The following MECR variants were observed in gnomAD, a reference collection of about 807,000 sequenced individuals.
MECR encodes the protein mitochondrial trans-2-enoyl-CoA reductase.
MECR carries 37 observed loss-of-function variants against 49.1 expected under a neutral mutation model. That is an observed-to-expected ratio of 0.75 (90% confidence interval 0.58 to 0.99). The LOEUF (loss-of-function observed/expected upper bound fraction) is 0.99, where lower values mean the gene tolerates loss of function less well. Ranked by LOEUF, MECR falls within the 50% of genes least tolerant of loss-of-function variation. The pLI is 0.00. For missense variants in MECR, 470 were observed against 479.6 expected (o/e 0.98, Z 0.19); for synonymous variants, 198 against 191.1 (o/e 1.04, Z -0.30).
chr1:29,217,333 C>T (rs1679728980), intron 1 of MECR, among the ~76,000 whole-genome samples: 2 of 151,018 alleles, frequency 1.3e-5, no homozygotes, highest in South Asian at 4.2e-4. Context: ...CCTCAGCCTC[C>T]CAAGTAGCTG....
rs1675447470 is a variant in MECR at position 29,202,045 on chromosome 1, T to G, written c.654A>C (p.Arg218Ser). ...TGTCACTCAGCTTCTGGATATCAGGTCTGGAAACCAAACATAGGTCCCTGG... is the reference window on the plus strand; with the variant it reads ...TGTCACTCAGCTTCTGGATATCAGGGCTGGAAACCAAACATAGGTCCCTGG... ...GLRTINVVRD[R>S]PDIQKLSDRL... The change falls in exon 6 of 10, where the codon AGA (arginine) becomes AGC (serine). Residue 218 changes from arginine (R) to serine (S), a missense_variant and splice_region_variant. Transcript: ENST00000263702. 6.8e-6 allele frequency: 11 copies of G among 1,613,830 alleles called. No homozygotes were observed. The highest frequency in any genetic ancestry group is 8.5e-6 in the Non-Finnish European group (10 of 1,179,856).
intron 5 of MECR, 21 bp from the exon 6 acceptor site, chr1:29,202,066 C>T: frequency 6.2e-7 from 1 of 1,604,032 alleles, no homozygotes; most frequent in Non-Finnish European, 8.5e-7. Context: ...AACATAGGTC[C>T]CTGGTCACAT....
chr1:29,177,287 T>TG, the MECR span, among the ~76,000 whole-genome samples: 2 of 151,600 alleles, frequency 1.3e-5, no homozygotes, highest in Non-Finnish European at 2.9e-5. Context: ...CTTTTTGTTT[T>TG]TTTTTTTTTT....
chr1:29,201,846 G>C lies in MECR; in HGVS notation c.756+97C>G. The C allele has an allele frequency of 3.7e-6, 4 of 1,080,096 alleles. No homozygotes were observed. The allele number at this position is 1,080,096 out of a possible 1,614,324, so 66.9% of individuals were successfully genotyped here. ...GAGGCAAAGGGAGGTTTCCAGAGAG[G>C]AACAATGGGGCCAGTCCCCAGTTTC... On this transcript the variant is annotated intron_variant, in intron 6 of 9. Coordinates refer to ENST00000263702, the MANE Select transcript of MECR (RefSeq NM_016011.5). The surrounding 1 kb of genome is among the most constrained non-coding windows in gnomAD (Gnocchi z 4.3).
chr1:29,221,869 G>A (rs1680861654), intron 1 of MECR, among the ~76,000 whole-genome samples: 1 of 152,148 alleles, frequency 6.6e-6, no homozygotes, highest in Admixed American at 6.5e-5. Context: ...CTCCAAGTAT[G>A]CTTAACATTT....
At chr1:29,206,960 C>T in intron 3 of MECR, 55 bp from the exon 4 acceptor site, 1 of 1,596,152 alleles carries the variant, frequency 6.3e-7, no homozygotes, top group South Asian at 1.1e-5. Flanking sequence ...GCACATTCAA[C>T]CCCAGCTCAC....
chr1:29,213,220 A>T lies in MECR; in HGVS notation c.406+2785T>A, dbSNP rs142544196. Among the ~76,000 whole-genome samples the T allele has an allele frequency of 1.1e-4, 16 of 152,302 alleles. No individual in the cohort carries two copies. The East Asian group carries it at 2.9e-3, about 28-fold the overall frequency. ...GTCTGCTCACCTTGATAGGACCTTC[A>T]CTTAGCACGGGGGCTGGCCCGAAGC... On this transcript the variant is annotated intron_variant, in intron 3 of 9. Transcript: ENST00000263702.
At chr1:29,185,430 T>TA in the MECR span, among the ~76,000 whole-genome samples, 1 of 151,836 alleles carries the variant, frequency 6.6e-6, no homozygotes, top group East Asian at 2.0e-4. Context: ...TGTATATATA[T>TA]TTTAGAGACA....
At chr1:29,223,136 A>G in intron 1 of MECR, 1 of 985,406 alleles carries the variant, frequency 1.0e-6, no homozygotes, top group Non-Finnish European at 1.2e-6. Context: ...TGCTTCCCCC[A>G]TACCGTTCAC....
the MECR span, among the ~76,000 whole-genome samples, chr1:29,186,399 C>T: frequency 6.6e-6 from 1 of 152,142 alleles, no homozygotes; most frequent in Admixed American, 6.5e-5. Flanking sequence ...TGTTGTTTGT[C>T]ATATTTCACA....
At chr1:29,220,513 C>T (rs1680521886) in intron 1 of MECR, among the ~76,000 whole-genome samples, 1 of 152,216 alleles carries the variant, frequency 6.6e-6, no homozygotes, top group Non-Finnish European at 1.5e-5. Flanking sequence ...GAAAATACTC[C>T]TGCAAGATGG....
chr1:29,216,173 G>A (rs1463939990), intron 2 of MECR, 37 bp from the exon 3 acceptor site: 1 of 1,611,306 alleles, frequency 6.2e-7, no homozygotes. Flanking sequence ...AACCAGTGAT[G>A]TTTGGGCAGT....
At chr1:29,203,760 G>T (rs1364489259) in intron 4 of MECR, among the ~76,000 whole-genome samples, 1 of 152,220 alleles carries the variant, frequency 6.6e-6, no homozygotes, top group African/African-American at 2.4e-5. Context: ...ATTGTATATA[G>T]GTCCATTTCT....
At chr1:29,228,880 C>T (rs925021324) in intron 1 of MECR, 2 of 152,148 alleles carry the variant, frequency 1.3e-5, no homozygotes, top group Non-Finnish European at 2.9e-5. Flanking sequence ...TTTAGGAGCA[C>T]CTGTTTTGTG....
chr1:29,192,805 G>T lies in MECR; in HGVS notation c.*1217C>A, dbSNP rs1312885863. On this transcript the variant is annotated 3_prime_UTR_variant, in exon 10 of 10. Transcript: ENST00000263702. ...CAAGGAAGCATACCCCTGTCCCTGG[G>T]GCCTAGGGCAAGATCTTTATTCTGC... 6.6e-6 allele frequency: 1 copy of T among 152,084 alleles called. No homozygotes were observed. The highest frequency in any genetic ancestry group is 6.5e-5 in the Admixed American group (1 of 15,274). 9.4% of individuals were successfully genotyped at this position (152,084 alleles called of 1,614,324 possible).
In MECR at chr1:29,203,149, A is replaced by G; in HGVS notation, c.635T>C (p.Ile212Thr). The change falls in exon 5 of 10, where the codon ATC becomes ACC. Residue 212 changes from isoleucine to threonine, a missense_variant. Ile to Thr is a moderately conservative substitution (Grantham distance 89). Transcript: ENST00000263702. The part of the protein sequence containing the change: ...QIAAALGLRT[I>T]NVVRDRPDIQ... ...CACGCACCTGTCTCGGACCACATTG[A>G]TGGTTCTTAGGCCCAGGGCTGCGGC... 3 of 1,579,614 alleles carry G rather than the reference A, an allele frequency of 1.9e-6. No individual in the cohort carries two copies. Among genetic ancestry groups the G allele is most frequent in the Non-Finnish European group, 2.6e-6 (3 of 1,159,144 alleles).
chr1:29,223,281 C>T, intron 1 of MECR: 12 of 985,386 alleles, frequency 1.2e-5, no homozygotes, highest in Non-Finnish European at 1.4e-5. Flanking sequence ...ATATGAAGTA[C>T]AAGGGAGACA....
chr1:29,187,122 C>A, the MECR span, among the ~76,000 whole-genome samples: 1 of 152,156 alleles, frequency 6.6e-6, no homozygotes, highest in Non-Finnish European at 1.5e-5. Flanking sequence ...TTACTCAGGG[C>A]ATGGTGCCTG....
At chr1:29,196,322 C>T in intron 7 of MECR, 64 bp from the exon 8 acceptor site, 1 of 1,431,564 alleles carries the variant, frequency 7.0e-7, no homozygotes, top group Non-Finnish European at 9.6e-7. Flanking sequence ...CCTGAACCTG[C>T]CATGGCGCTT....
Sources: allele counts gnomAD v4.1 joint callset (sites outside exome capture counted in the v4.1 genomes callset), GRCh38; gene constraint gnomAD v4.1.1; non-coding constraint Gnocchi (gnomAD v3.1); transcripts MANE v1.5; gene names NCBI Gene and HGNC (gene_info 2026-07-23, HGNC 2026-07-21).